The following PITPNC1 variants were observed in gnomAD, a reference collection of about 807,000 sequenced individuals.
PITPNC1 encodes cytoplasmic phosphatidylinositol transfer protein 1.
PITPNC1 carries 18 observed loss-of-function variants against 44.7 expected under a neutral mutation model. The observed-to-expected ratio is 0.40, with a 90% confidence interval of 0.28 to 0.60. The LOEUF (loss-of-function observed/expected upper bound fraction) is 0.60, where lower values mean the gene tolerates loss of function less well. Among genes scored for constraint, PITPNC1 ranks in the 20% least tolerant of loss-of-function variants. PITPNC1 has a pLI of 0.39. For missense variants in PITPNC1, 290 were observed against 418.4 expected, an observed-to-expected ratio of 0.69 and a Z score of 2.68; for synonymous variants, 141 against 149.6, an observed-to-expected ratio of 0.94 and a Z score of 0.42.
chr17:67,685,611 G>A (rs1033984472), intron 8 of PITPNC1, among the ~76,000 whole-genome samples: 1 of 152,096 alleles, frequency 6.6e-6, no homozygotes, highest in African/African-American at 2.4e-5. Flanking sequence ...CACTTTGTTC[G>A]GCATACCATC....
At chr17:67,473,023 G>A (rs550040656) in intron 1 of PITPNC1, among the ~76,000 whole-genome samples, 2 of 148,672 alleles carry the variant, frequency 1.3e-5, no homozygotes, top group Admixed American at 1.3e-4. Context: ...CTACAGGTGC[G>A]CACCACCATG....
intron 1 of PITPNC1, among the ~76,000 whole-genome samples, chr17:67,453,182 G>T (rs2039208834): frequency 6.6e-6 from 1 of 152,176 alleles, no homozygotes. Flanking sequence ...TACTTTGTAG[G>T]AGTGGCCAAT....
intron 4 of PITPNC1, 24 bp downstream of exon 4, chr17:67,553,641 A>T: frequency 9.2e-7 from 1 of 1,082,546 alleles, no homozygotes; most frequent in Non-Finnish European, 1.3e-6. Context: ...AATTATTTTT[A>T]AACATTCTGT....
chr17:67,448,729 C>T (rs1174457692), intron 1 of PITPNC1, among the ~76,000 whole-genome samples: 1 of 152,144 alleles, frequency 6.6e-6, no homozygotes, highest in East Asian at 1.9e-4. Flanking sequence ...ACCATACTTA[C>T]CTAGGCCATA....
rs1185272499 is a variant in PITPNC1 at position 67,508,626 on chromosome 17, C to G, written c.49-24176C>G. Among the ~76,000 whole-genome samples the G allele has an allele frequency of 1.3e-5, 2 of 152,176 alleles. No individual in the cohort carries two copies. Among genetic ancestry groups the G allele is most frequent in the African/African-American group, 4.8e-5 (2 of 41,446 alleles). On this transcript the variant is annotated intron_variant, in intron 1 of 8. Coordinates refer to ENST00000581322, the MANE Select transcript of PITPNC1 (RefSeq NM_012417.4). The surrounding 1 kb of genome is among the most constrained non-coding windows in gnomAD (Gnocchi z 4.2). ...GGGAATGCAGCCCAGTAGATCTCAG[C>G]CTCATTTTACTCAGCCCCTATTCAA...
In PITPNC1 at chr17:67,622,256, C is replaced by CAA. The variant is rs536282843; in HGVS notation, c.367-9871_367-9870dup. Among the ~76,000 whole-genome samples the CAA allele has an allele frequency of 9.4e-3, 862 of 91,612 alleles. 22 individuals carry two copies. The highest frequency in any genetic ancestry group is 0.028 in the African/African-American group (753 of 27,284). 60.1% of individuals were successfully genotyped at this position (91,612 alleles called of 152,430 possible). ...TGGGTGACAGAGCGAGACTGCATCT[C>CAA]AAAAAAAAAAAAAAAAAGAAAAGAT... On this transcript the variant is annotated intron_variant, in intron 5 of 8. Coordinates refer to ENST00000581322, the MANE Select transcript of PITPNC1 (RefSeq NM_012417.4).
At chr17:67,659,630 C>A (rs2042314794) in intron 6 of PITPNC1, among the ~76,000 whole-genome samples, 1 of 152,156 alleles carries the variant, frequency 6.6e-6, no homozygotes, top group Non-Finnish European at 1.5e-5. Flanking sequence ...AGGGGAACAG[C>A]ATGTCAGCAC....
chr17:67,458,344 A>G (rs1176512844), intron 1 of PITPNC1, among the ~76,000 whole-genome samples: 2 of 152,062 alleles, frequency 1.3e-5, no homozygotes, highest in East Asian at 1.9e-4. Context: ...TGTGCTCTCT[A>G]TGCCCTTAGT....
rs115560824 is a variant in PITPNC1 at position 67,538,233 on chromosome 17, G to A, written c.197+5283G>A. On this transcript the variant is annotated intron_variant, in intron 2 of 8. Transcript: ENST00000581322. ...TTATTGAGGGGAAGATGAACTCTTC[G>A]GTATATGATGTTGAGATGACTGGGC... is the stretch of plus-strand genomic sequence containing the variant. Among the ~76,000 whole-genome samples, 1,320 of 152,130 alleles carry A rather than the reference G, an allele frequency of 8.7e-3. 14 individuals carry two copies. The highest frequency in any genetic ancestry group is 0.03 in the African/African-American group (1,257 of 41,508).
chr17:67,572,740 G>C (rs1242378024), intron 4 of PITPNC1, among the ~76,000 whole-genome samples: 5 of 148,812 alleles, frequency 3.4e-5, no homozygotes, highest in African/African-American at 1.2e-4. Context: ...TTCGGGCTGA[G>C]AGTACCATGG....
intron 2 of PITPNC1, among the ~76,000 whole-genome samples, chr17:67,540,122 G>A (rs998634467): frequency 6.8e-6 from 1 of 146,536 alleles, no homozygotes; most frequent in African/African-American, 2.6e-5. Context: ...TTATTTTTTC[G>A]AGATGGAGTC....
At position 67,495,322 on chromosome 17, in the gene PITPNC1, C is replaced by T. The variant is rs181251971; in HGVS notation, c.49-37480C>T. ...ATCCGTCCGCCTCAGCCTCCCAAAG[C>T]GTTGGGATTACAGGCATGAGCCACC... On this transcript the variant is annotated intron_variant, in intron 1 of 8. Transcript: ENST00000581322. 5.9e-3 allele frequency among the ~76,000 whole-genome samples: 899 copies of T among 151,950 alleles called. 9 individuals carry two copies. The highest frequency in any genetic ancestry group is 7.8e-3 in the Non-Finnish European group (529 of 67,952).
chr17:67,689,060 G>T (rs1310320960), intron 8 of PITPNC1, among the ~76,000 whole-genome samples: 1 of 152,094 alleles, frequency 6.6e-6, no homozygotes, highest in Non-Finnish European at 1.5e-5. Context: ...AAATTAGCTG[G>T]GCGTGGTGGC....
intron 3 of PITPNC1, chr17:67,553,101 C>G (rs1313057477): frequency 1.3e-5 from 2 of 152,260 alleles, no homozygotes; most frequent in Non-Finnish European, 2.9e-5. Context: ...ACTTGCAATG[C>G]GATGACAATA....
intron 1 of PITPNC1, among the ~76,000 whole-genome samples, chr17:67,443,362 A>G (rs2039043291): frequency 6.6e-6 from 1 of 151,820 alleles, no homozygotes; most frequent in Admixed American, 6.6e-5. Context: ...GACTCTCGCA[A>G]GCAGGCTTCT....
chr17:67,547,894 G>A (rs554912118), intron 2 of PITPNC1, among the ~76,000 whole-genome samples: 38 of 152,288 alleles, frequency 2.5e-4, no homozygotes, highest in African/African-American at 8.7e-4. Context: ...CATGAGAGAT[G>A]ATCTGCCAGG....
intron 5 of PITPNC1, among the ~76,000 whole-genome samples, chr17:67,596,545 C>G (rs1385325892): frequency 6.6e-6 from 1 of 152,136 alleles, no homozygotes; most frequent in Non-Finnish European, 1.5e-5. Context: ...GAGTCTCGCT[C>G]TGTCGTCCAG....
chr17:67,407,797 A>G (rs1220044703), intron 1 of PITPNC1, among the ~76,000 whole-genome samples: 1 of 149,536 alleles, frequency 6.7e-6, no homozygotes, highest in African/African-American at 2.5e-5. Context: ...TCTGTCTCGG[A>G]AAAAAAAAAG....
At chr17:67,520,312 A>G (rs2040309183) in intron 1 of PITPNC1, among the ~76,000 whole-genome samples, 1 of 152,110 alleles carries the variant, frequency 6.6e-6, no homozygotes, top group Admixed American at 6.6e-5. Context: ...GGCGCAGGAT[A>G]TGTGTCCTGG....
Sources: gnomAD v4.1 joint callset for allele counts (sites outside exome capture counted in the v4.1 genomes callset) on GRCh38, gnomAD v4.1.1 for gene constraint, Gnocchi (gnomAD v3.1) non-coding constraint, MANE v1.5 for transcripts, NCBI Gene and HGNC (gene_info 2026-07-23, HGNC 2026-07-21) for gene names.